Variants in TTC34 observed in about 807,000 individuals in gnomAD.
TTC34 encodes the protein tetratricopeptide repeat protein 34.
In TTC34, 44 loss-of-function variants were observed where a neutral mutation model predicts 40.7. That is an observed-to-expected ratio of 1.08 (90% confidence interval 0.85 to 1.39). The LOEUF is 1.39. Among genes scored for constraint, TTC34 ranks in the 40% most tolerant of loss-of-function variants. The probability of loss-of-function intolerance (pLI) is 0.00; values close to 1 mark genes in which losing one functional copy is unlikely to be tolerated. For missense variants in TTC34, 884 were observed against 838.0 expected (o/e 1.05, Z -0.68); for synonymous variants, 422 against 398.6 (o/e 1.06, Z -0.70).
At chr1:2,675,466 G>T (rs111330423) in intron 6 of TTC34, among the ~76,000 whole-genome samples, 38 of 52,790 alleles carry the variant, frequency 7.2e-4, no homozygotes, top group Non-Finnish European at 1.1e-3. Flanking sequence ...CTGACAGCAT[G>T]TAACAGCACC....
intron 8 of TTC34, among the ~76,000 whole-genome samples, chr1:2,643,162 C>G (rs970313202): frequency 2.0e-5 from 3 of 152,192 alleles, no homozygotes; most frequent in East Asian, 3.9e-4. Flanking sequence ...CTCAATCCGA[C>G]CCCAGACTCC....
chr1:2,748,845 A>T (rs1641228352), intron 6 of TTC34, among the ~76,000 whole-genome samples: 1 of 137,458 alleles, frequency 7.3e-6, no homozygotes, highest in Non-Finnish European at 1.5e-5. Context: ...CCACAAACCC[A>T]GGTGAGCATC....
At chr1:2,793,096 T>C (rs1053469141) in intron 2 of TTC34, among the ~76,000 whole-genome samples, 3 of 152,248 alleles carry the variant, frequency 2.0e-5, no homozygotes, top group African/African-American at 7.2e-5. Context: ...AGATAGACAA[T>C]TTTTGACTGG....
At chr1:2,800,964 C>T (rs1001114976) in intron 1 of TTC34, 96 bp from the exon 2 acceptor site, 3 of 397,684 alleles carry the variant, frequency 7.5e-6, no homozygotes, top group African/African-American at 6.2e-5. Context: ...CCACCCCTTC[C>T]CATTGACCCC....
chr1:2,644,242 A>T (rs1457970223), intron 8 of TTC34, 22 bp downstream of exon 8: 6 of 1,524,160 alleles, frequency 3.9e-6, no homozygotes, highest in Non-Finnish European at 5.3e-6. Context: ...GGGGTGGGAG[A>T]TCTGTGGGGT....
At chr1:2,784,324 C>T (rs1395772178) in intron 5 of TTC34, among the ~76,000 whole-genome samples, 6 of 152,128 alleles carry the variant, frequency 3.9e-5, no homozygotes, top group Non-Finnish European at 7.3e-5. Context: ...TTCCTTCTAC[C>T]GCTATCTACT....
At chr1:2,800,281 G>A (rs562655605) in exon 2 of TTC34, 9 of 398,652 alleles carry the variant, frequency 2.3e-5, no homozygotes, top group East Asian at 1.8e-4. Context: ...GCGGGGAGGT[G>A]GGGCCGCTGG....
chr1:2,652,508 T>A (rs568837759), intron 6 of TTC34, among the ~76,000 whole-genome samples: 1 of 139,610 alleles, frequency 7.2e-6, no homozygotes, highest in Non-Finnish European at 1.5e-5. Context: ...TCTGACGGCC[T>A]GCAACAGCAC....
intron 6 of TTC34, among the ~76,000 whole-genome samples, chr1:2,696,646 G>A (rs61766465): frequency 1.4e-3 from 57 of 40,844 alleles, no homozygotes; most frequent in Non-Finnish European, 2.7e-3. Flanking sequence ...ACATCGCCAG[G>A]CGAGCATCCG....
At chr1:2,655,545 A>T (rs1639314389) in intron 6 of TTC34, among the ~76,000 whole-genome samples, 1 of 122,332 alleles carries the variant, frequency 8.2e-6, no homozygotes, top group African/African-American at 3.2e-5. Context: ...CCCAGTGAGC[A>T]TCTGACAGCC....
chr1:2,764,278 G>T, intron 6 of TTC34, among the ~76,000 whole-genome samples: 1 of 148,728 alleles, frequency 6.7e-6, no homozygotes, highest in Admixed American at 6.7e-5. Context: ...GCGAGCATCT[G>T]ACAGCCTGGA....
intron 6 of TTC34, among the ~76,000 whole-genome samples, chr1:2,759,522 C>T (rs1278380154): frequency 3.2e-5 from 4 of 124,954 alleles, no homozygotes; most frequent in Admixed American, 2.4e-4. Context: ...CCCACACCCC[C>T]AGATGAGCAT....
At chr1:2,781,234 C>A (rs1429712212) in intron 6 of TTC34, among the ~76,000 whole-genome samples, 1 of 152,178 alleles carries the variant, frequency 6.6e-6, no homozygotes, top group Non-Finnish European at 1.5e-5. Flanking sequence ...GACTGTAGGA[C>A]TTCAGTATGT....
chr1:2,756,140 CCA>C, intron 6 of TTC34, among the ~76,000 whole-genome samples: 1 of 59,470 alleles, frequency 1.7e-5, no homozygotes, highest in Admixed American at 1.6e-4. Flanking sequence ...GGAACAGCAC[CCA>C]TACGCCCAGA....
At chr1:2,681,979 C>A (rs1640095088) in intron 6 of TTC34, among the ~76,000 whole-genome samples, 1 of 123,112 alleles carries the variant, frequency 8.1e-6, no homozygotes, top group East Asian at 2.1e-4. Flanking sequence ...TGGAACAGCA[C>A]CCACACCCCC....
chr1:2,777,491 T>A (rs1643275055), intron 6 of TTC34, among the ~76,000 whole-genome samples: 1 of 151,734 alleles, frequency 6.6e-6, no homozygotes, highest in African/African-American at 2.4e-5. Context: ...ATATGTGCTG[T>A]CCTTTTCCAC....
intron 6 of TTC34, among the ~76,000 whole-genome samples, chr1:2,748,232 A>AC (rs1641212229): frequency 1.0e-5 from 1 of 95,958 alleles, no homozygotes; most frequent in Non-Finnish European, 1.9e-5. Flanking sequence ...CTGGAACAGC[A>AC]CCCACAACCA....
Position 2,688,781 on chromosome 1 carries a change from A to T in TTC34, c.2227-43218T>A, listed in dbSNP as rs560385153. Among the ~76,000 whole-genome samples the T allele has an allele frequency of 4.1e-4, 44 of 108,116 alleles. No homozygotes were observed. In the Middle Eastern group the frequency reaches 0.018, roughly 44 times the overall value. 70.9% of individuals were successfully genotyped at this position (108,116 alleles called of 152,430 possible). ...GGAACAGCACCCACATCCCCAGGCGAGCATCTGACAGCATGTAACAGCACC... is the reference window on the plus strand; with the variant it reads ...GGAACAGCACCCACATCCCCAGGCGTGCATCTGACAGCATGTAACAGCACC... On this transcript the variant is annotated intron_variant, in intron 6 of 8. Transcript: ENST00000401095.
chr1:2,779,334 T>A (rs1643439432), intron 6 of TTC34, among the ~76,000 whole-genome samples: 1 of 152,052 alleles, frequency 6.6e-6, no homozygotes, highest in Non-Finnish European at 1.5e-5. Context: ...TTTTTTTTCT[T>A]TTTTTTGGAG....
Sources: gnomAD v4.1 joint callset for allele counts (sites outside exome capture counted in the v4.1 genomes callset) on GRCh38, gnomAD v4.1.1 for gene constraint, MANE v1.5 for transcripts, NCBI Gene and HGNC (gene_info 2026-07-23, HGNC 2026-07-21) for gene names.